DOCK3: variants seen among roughly 807,000 people sequenced by gnomAD.
DOCK3 encodes dedicator of cytokinesis 3, also known as dedicator of cytokinesis protein 3.
DOCK3 carries 60 observed loss-of-function variants against 265.6 expected under a neutral mutation model. That is an observed-to-expected ratio of 0.23 (90% confidence interval 0.18 to 0.28). DOCK3 has a LOEUF of 0.28. Ranked by LOEUF, DOCK3 falls within the 10% of genes least tolerant of loss-of-function variation. DOCK3 has a pLI of 1.00. For synonymous variants in DOCK3, 881 were observed against 938.0 expected (o/e 0.94, Z 1.11); for missense variants, 1,981 against 2,594.3 (o/e 0.76, Z 5.14).
chr3:50,964,926 A>G (rs568106432), intron 5 of DOCK3, among the ~76,000 whole-genome samples: 2 of 152,114 alleles, frequency 1.3e-5, no homozygotes, highest in Non-Finnish European at 2.9e-5. Flanking sequence ...CAGAAGAACA[A>G]AATCTGAAAG....
At chr3:50,783,958 C>T (rs568725341) in intron 2 of DOCK3, among the ~76,000 whole-genome samples, 109 of 151,800 alleles carry the variant, frequency 7.2e-4, no homozygotes, top group African/African-American at 2.6e-3. Context: ...ACCTCCGCCT[C>T]CCAAGTTTAA....
intron 12 of DOCK3, among the ~76,000 whole-genome samples, chr3:51,201,765 G>C (rs1241323160): frequency 3.3e-5 from 5 of 152,030 alleles, no homozygotes; most frequent in Admixed American, 2.0e-4. Context: ...TGACCACATA[G>C]TTGGAAGAAA....
chr3:50,882,104 C>G (rs978268520), intron 3 of DOCK3, among the ~76,000 whole-genome samples: 6 of 152,102 alleles, frequency 3.9e-5, no homozygotes, highest in Admixed American at 3.9e-4. Flanking sequence ...ACACCTTTTA[C>G]AAGAATTAAT....
At chr3:50,886,187 G>T (rs71615494) in intron 3 of DOCK3, among the ~76,000 whole-genome samples, 5,144 of 130,458 alleles carry the variant, frequency 0.039, 255 homozygotes, top group Non-Finnish European at 0.057. Flanking sequence ...TTATTTTGGA[G>T]ATATATATAT....
chr3:50,680,512 CTTTTTT>C lies in DOCK3; in HGVS notation c.37+5231_37+5236del, dbSNP rs3066820. Among the ~76,000 whole-genome samples, 133 of 72,930 alleles carry C rather than the reference CTTTTTT, an allele frequency of 1.8e-3. 1 individual carries two copies. The highest frequency in any genetic ancestry group is 2.9e-3 in the Admixed American group (18 of 6,136). The allele number at this position is 72,930 out of a possible 152,430, so 47.8% of individuals were successfully genotyped here. On this transcript the variant is annotated intron_variant, in intron 1 of 52. Transcript: ENST00000266037. ...TACAGGCATGAGCCACCGTGCCCTG[CTTTTTT>C]TTTTTTTTTTTTTTTTTTAAGACGA...
At chr3:51,276,079 A>T (rs1172692712) in intron 25 of DOCK3, among the ~76,000 whole-genome samples, 1 of 152,224 alleles carries the variant, frequency 6.6e-6, no homozygotes, top group Non-Finnish European at 1.5e-5. Context: ...AGGTGATAAG[A>T]ATATACAAGG....
At chr3:51,353,949 T>C (rs929255654) in intron 40 of DOCK3, among the ~76,000 whole-genome samples, 4 of 152,174 alleles carry the variant, frequency 2.6e-5, no homozygotes, top group African/African-American at 7.2e-5. Context: ...AGCTATGACA[T>C]AGGCAGAGCA....
intron 31 of DOCK3, among the ~76,000 whole-genome samples, chr3:51,314,066 G>T (rs146851193): frequency 1.6e-4 from 24 of 152,248 alleles, no homozygotes; most frequent in African/African-American, 5.8e-4. Flanking sequence ...TTACTTGGCC[G>T]TAGCATTCAT....
chr3:50,797,677 C>T (rs546415812), intron 2 of DOCK3, among the ~76,000 whole-genome samples: 1 of 152,282 alleles, frequency 6.6e-6, no homozygotes, highest in Admixed American at 6.5e-5. Flanking sequence ...GCATCCTTGC[C>T]AGCATTTGTT....
rs543138997 is a variant in DOCK3 at position 51,272,903 on chromosome 3, G to A, written c.2548+1896G>A. Reference sequence around the variant, plus strand: ...CTTTTGGCCGGGCACGGTGGCTCACGCCTGTAATCCCAGCACTTTGGGAGG... The same window carrying A: ...CTTTTGGCCGGGCACGGTGGCTCACACCTGTAATCCCAGCACTTTGGGAGG... On this transcript the variant is annotated intron_variant, in intron 24 of 52. Transcript: ENST00000266037. Among the ~76,000 whole-genome samples, 9 of 152,038 alleles carry A rather than the reference G, an allele frequency of 5.9e-5. No individual in the cohort carries two copies. In the South Asian group the frequency reaches 1.5e-3, roughly 25 times the overall value.
intron 2 of DOCK3, among the ~76,000 whole-genome samples, chr3:50,830,512 C>A (rs2045078362): frequency 6.6e-6 from 1 of 152,162 alleles, no homozygotes; most frequent in Non-Finnish European, 1.5e-5. Context: ...TTTGAAACTT[C>A]TTATCAAAGG....
chr3:51,067,588 T>G (rs1311650799), intron 6 of DOCK3, among the ~76,000 whole-genome samples: 2 of 152,018 alleles, frequency 1.3e-5, no homozygotes, highest in African/African-American at 4.8e-5. Flanking sequence ...ACTTTCCGTC[T>G]TCTTTTCTTC....
At chr3:51,152,575 C>T (rs2085654612) in intron 10 of DOCK3, among the ~76,000 whole-genome samples, 1 of 152,134 alleles carries the variant, frequency 6.6e-6, no homozygotes, top group South Asian at 2.1e-4. Context: ...AGAAGAGGTG[C>T]TCTGGTTTTT....
intron 49 of DOCK3, among the ~76,000 whole-genome samples, chr3:51,370,386 A>G (rs1466504250): frequency 6.6e-6 from 1 of 152,234 alleles, no homozygotes; most frequent in African/African-American, 2.4e-5. Flanking sequence ...ACAGAAGGCA[A>G]CCAAGGATGG....
intron 5 of DOCK3, among the ~76,000 whole-genome samples, chr3:51,020,431 C>G (rs2079534371): frequency 6.6e-6 from 1 of 151,842 alleles, no homozygotes; most frequent in African/African-American, 2.4e-5. Context: ...TCTGTTTACT[C>G]TGATGATAGT....
chr3:50,710,505 A>T (rs556215795), intron 1 of DOCK3, among the ~76,000 whole-genome samples: 1 of 152,346 alleles, frequency 6.6e-6, no homozygotes, highest in African/African-American at 2.4e-5. Context: ...AAAAATAATA[A>T]TAAAAAGATG....
intron 3 of DOCK3, among the ~76,000 whole-genome samples, chr3:50,854,849 G>C (rs2046514503): frequency 6.6e-6 from 1 of 151,748 alleles, no homozygotes; most frequent in Non-Finnish European, 1.5e-5. Context: ...CTTCTGCATA[G>C]GGCTAGCCAG....
At chr3:50,892,252 A>G (rs2048675619) in intron 4 of DOCK3, among the ~76,000 whole-genome samples, 1 of 152,042 alleles carries the variant, frequency 6.6e-6, no homozygotes, top group Non-Finnish European at 1.5e-5. Flanking sequence ...TTGTAGTGGA[A>G]TAGAGCCCAA....
At position 51,170,473 on chromosome 3, in the gene DOCK3, G is replaced by A. The variant is rs567461499; in HGVS notation, c.1037+9771G>A. 1.3e-4 allele frequency among the ~76,000 whole-genome samples: 19 copies of A among 151,802 alleles called. No individual in the cohort carries two copies. In the South Asian group the frequency reaches 3.7e-3, roughly 30 times the overall value. ...CTTTATGATTCAATCTTGGTAAGTT[G>A]TATGTTTCTAGGAATTTATCCATTT... On this transcript the variant is annotated intron_variant, in intron 12 of 52. Coordinates refer to ENST00000266037, the MANE Select transcript of DOCK3 (RefSeq NM_004947.5).
Sources: gnomAD v4.1 joint callset for allele counts (sites outside exome capture counted in the v4.1 genomes callset) on GRCh38, gnomAD v4.1.1 for gene constraint, MANE v1.5 for transcripts, NCBI Gene and HGNC (gene_info 2026-07-23, HGNC 2026-07-21) for gene names.